Variants in ANO10 observed in about 807,000 individuals in gnomAD.
The protein encoded by ANO10 is anoctamin-10.
A neutral mutation model predicts 74.7 loss-of-function variants in ANO10; 77 were observed. The ratio of observed to expected loss-of-function variants is 1.03; its 90% CI spans 0.86 to 1.25. The LOEUF is 1.25. Among genes scored for constraint, ANO10 ranks in the 50% most tolerant of loss-of-function variants. ANO10 has a pLI of 0.00. For missense variants in ANO10, 721 were observed against 778.1 expected, an observed-to-expected ratio of 0.93 and a Z score of 0.87; for synonymous variants, 279 against 284.9, an observed-to-expected ratio of 0.98 and a Z score of 0.21.
At chr3:43,466,004 A>C (rs952194426) in intron 11 of ANO10, among the ~76,000 whole-genome samples, 1 of 152,176 alleles carries the variant, frequency 6.6e-6, no homozygotes, top group Non-Finnish European at 1.5e-5. Flanking sequence ...AATGCAGAGA[A>C]TCCAGAACGG....
At chr3:43,409,637 T>A (rs770910110) in intron 12 of ANO10, among the ~76,000 whole-genome samples, 1 of 152,184 alleles carries the variant, frequency 6.6e-6, no homozygotes. Flanking sequence ...ACCTTGTTTA[T>A]CCAGATATAA....
intron 12 of ANO10, among the ~76,000 whole-genome samples, chr3:43,402,524 T>G (rs17075704): frequency 0.043 from 6,504 of 152,248 alleles, 385 homozygotes; most frequent in African/African-American, 0.13. Context: ...GGAGTGCTGA[T>G]TCCCATGTCC....
chr3:43,613,383 G>T lies in ANO10; in HGVS notation c.-11-7520C>A, dbSNP rs531584195. 3.1e-4 allele frequency among the ~76,000 whole-genome samples: 47 copies of T among 152,190 alleles called. No individual in the cohort carries two copies. In the South Asian group the frequency reaches 8.9e-3, roughly 29 times the overall value. ...AATGGGGGACACATGTTCTACAAAA[G>T]GAACAATGTGTAAAATCAGTGAAGC... On this transcript the variant is annotated intron_variant, in intron 1 of 12. Coordinates refer to ENST00000292246, the MANE Select transcript of ANO10 (RefSeq NM_018075.5).
chr3:43,404,876 C>CAAAAAAAAAAA (rs3048939), intron 12 of ANO10, among the ~76,000 whole-genome samples: 1 of 81,398 alleles, frequency 1.2e-5, no homozygotes. Flanking sequence ...GAACCTGTCT[C>CAAAAAAAAAAA]AAAAAAAAAA....
chr3:43,562,825 G>A (rs1244839239), intron 8 of ANO10, among the ~76,000 whole-genome samples: 1 of 152,110 alleles, frequency 6.6e-6, no homozygotes, highest in Non-Finnish European at 1.5e-5. Flanking sequence ...ATGGATTAAA[G>A]ATCTAAACAT....
intron 4 of ANO10, among the ~76,000 whole-genome samples, chr3:43,594,347 C>A (rs1383659278): frequency 6.6e-6 from 1 of 152,158 alleles, no homozygotes. Context: ...CCAAAATTGA[C>A]CACATAGTCG....
chr3:43,644,373 C>CAA (rs2083705577), intron 1 of ANO10, among the ~76,000 whole-genome samples: 2 of 152,116 alleles, frequency 1.3e-5, no homozygotes, highest in Admixed American at 6.5e-5. Context: ...CACACAGAGA[C>CAA]AAAGAAGCAA....
chr3:43,557,316 C>T (rs1002429936), intron 9 of ANO10, among the ~76,000 whole-genome samples: 3 of 152,102 alleles, frequency 2.0e-5, no homozygotes, highest in African/African-American at 4.8e-5. Flanking sequence ...GAAATAAGAT[C>T]AAACAATAGA....
intron 12 of ANO10, among the ~76,000 whole-genome samples, chr3:43,407,539 TC>T (rs1319256818): frequency 1.3e-5 from 2 of 152,170 alleles, no homozygotes; most frequent in East Asian, 3.9e-4. Context: ...TGTACCACCT[TC>T]CTTGGAAGTA....
chr3:43,485,480 T>A (rs898656720), intron 11 of ANO10, among the ~76,000 whole-genome samples: 1 of 152,146 alleles, frequency 6.6e-6, no homozygotes, highest in Non-Finnish European at 1.5e-5. Flanking sequence ...CGACTTCTAA[T>A]AGAGCTATAA....
intron 1 of ANO10, among the ~76,000 whole-genome samples, chr3:43,641,440 A>C (rs954093978): frequency 3.3e-5 from 5 of 152,332 alleles, no homozygotes; most frequent in Admixed American, 1.3e-4. Context: ...CTACATAGCA[A>C]GTTAGTTATA....
intron 11 of ANO10, among the ~76,000 whole-genome samples, chr3:43,522,807 C>T (rs937101901): frequency 2.0e-5 from 3 of 152,198 alleles, no homozygotes; most frequent in Admixed American, 6.5e-5. Flanking sequence ...TGATGCCAGG[C>T]TGCACACAGG....
chr3:43,524,532 C>T (rs1336331077), intron 11 of ANO10, among the ~76,000 whole-genome samples: 1 of 152,108 alleles, frequency 6.6e-6, no homozygotes, highest in Non-Finnish European at 1.5e-5. Context: ...CCCCAAGTAC[C>T]CTGTGCAATG....
intron 1 of ANO10, among the ~76,000 whole-genome samples, chr3:43,606,781 T>G (rs1237663167): frequency 1.3e-5 from 2 of 151,956 alleles, no homozygotes; most frequent in Non-Finnish European, 2.9e-5. Flanking sequence ...AAACTACACA[T>G]CCTCAAAGTG....
chr3:43,551,364 A>C (rs2079448512), intron 10 of ANO10: 1 of 353,380 alleles, frequency 2.8e-6, no homozygotes, highest in South Asian at 2.3e-5. Context: ...TTTGTAACTA[A>C]ACTTTCAGGT....
At chr3:43,565,771 T>C in intron 7 of ANO10, 44 bp from the exon 8 acceptor site, 1 of 1,528,378 alleles carries the variant, frequency 6.5e-7, no homozygotes, top group South Asian at 1.2e-5. Flanking sequence ...AAGCACTGCT[T>C]TAGAGTACTT....
chr3:43,417,376 A>T (rs1185882663), intron 12 of ANO10, among the ~76,000 whole-genome samples: 2 of 152,156 alleles, frequency 1.3e-5, no homozygotes, highest in Admixed American at 1.3e-4. Context: ...AGCCTTCCCC[A>T]CGGCTATGTA....
intron 11 of ANO10, chr3:43,485,501 A>G: frequency 3.8e-6 from 1 of 263,878 alleles, no homozygotes; most frequent in South Asian, 4.4e-5. Context: ...CACTCACCGC[A>G]TGGCCCAAGA....
chr3:43,541,424 G>A (rs1314827282), intron 11 of ANO10, among the ~76,000 whole-genome samples: 1 of 152,142 alleles, frequency 6.6e-6, no homozygotes, highest in Non-Finnish European at 1.5e-5. Context: ...GTGTAGCCAG[G>A]ATTTGAACCC....
Sources: gnomAD v4.1 joint callset for allele counts (sites outside exome capture counted in the v4.1 genomes callset) on GRCh38, gnomAD v4.1.1 for gene constraint, MANE v1.5 for transcripts, NCBI Gene and HGNC (gene_info 2026-07-23, HGNC 2026-07-21) for gene names.